The following VWA8 variants were observed in gnomAD, a reference collection of about 807,000 sequenced individuals.
VWA8 encodes the protein von Willebrand factor A domain-containing protein 8.
Under a neutral mutation model 241.5 loss-of-function variants are expected in VWA8, and 221 were observed. The ratio of observed to expected loss-of-function variants is 0.91; its 90% CI spans 0.82 to 1.02. The LOEUF is 1.02. Ranked by LOEUF, VWA8 falls within the 50% of genes least tolerant of loss-of-function variation. The probability of loss-of-function intolerance (pLI) is 0.00; values close to 1 mark genes in which losing one functional copy is unlikely to be tolerated. For synonymous variants in VWA8, 852 were observed against 827.1 expected (o/e 1.03, Z -0.52); for missense variants, 2,322 against 2,328.7 (o/e 1.00, Z 0.06).
intron 37 of VWA8, among the ~76,000 whole-genome samples, chr13:41,651,614 A>G (rs546500384): frequency 6.6e-6 from 1 of 152,250 alleles, no homozygotes; most frequent in Non-Finnish European, 1.5e-5. Flanking sequence ...CTGTGTTTCA[A>G]TAAAACTTTA....
At position 41,811,228 on chromosome 13, in the gene VWA8, G is replaced by C; in HGVS notation, c.2060C>G (p.Ser687Cys). 1.9e-6 allele frequency: 3 copies of C among 1,601,788 alleles called. No individual in the cohort carries two copies. The highest frequency in any genetic ancestry group is 2.6e-6 in the Non-Finnish European group (3 of 1,170,180). Residue 687 changes from serine to cysteine, a missense_variant, in exon 17 of 45, where the codon TCC becomes TGC. By Grantham distance (112) the Ser-to-Cys change is moderately radical. Coordinates refer to ENST00000379310, the MANE Select transcript of VWA8 (RefSeq NM_015058.2). ...LHSAVTKACL[S>C]RFLPSLARSA... ...CAGTGAGAAAGAATATGTTTACCTGGAAAGGCAGGCTTTAGTAACAGCACT... is the reference window on the plus strand; with the variant it reads ...CAGTGAGAAAGAATATGTTTACCTGCAAAGGCAGGCTTTAGTAACAGCACT...
chr13:41,786,607 T>C (rs144747449), intron 18 of VWA8, among the ~76,000 whole-genome samples: 3 of 152,230 alleles, frequency 2.0e-5, no homozygotes, highest in African/African-American at 7.2e-5. Context: ...TTATTCCTTC[T>C]CTTTGAGTTG....
chr13:41,652,516 G>T (rs1244684489), intron 37 of VWA8, among the ~76,000 whole-genome samples: 1 of 152,144 alleles, frequency 6.6e-6, no homozygotes, highest in Non-Finnish European at 1.5e-5. Context: ...CACTACAATG[G>T]AGAAGTTCTT....
intron 29 of VWA8, among the ~76,000 whole-genome samples, chr13:41,694,028 T>G (rs2045197526): frequency 6.6e-6 from 1 of 151,930 alleles, no homozygotes; most frequent in Non-Finnish European, 1.5e-5. Context: ...GAAGAATTAA[T>G]AAAAACCTTG....
At chr13:41,751,087 A>G (rs924938389) in intron 21 of VWA8, among the ~76,000 whole-genome samples, 3 of 152,120 alleles carry the variant, frequency 2.0e-5, no homozygotes, top group African/African-American at 7.2e-5. Flanking sequence ...ACAGTTTGAA[A>G]ACAGCTTAGA....
chr13:41,926,179 T>A (rs1301159217), intron 2 of VWA8: 1 of 632,896 alleles, frequency 1.6e-6, no homozygotes, highest in African/African-American at 1.8e-5. Context: ...AAGGGTGAGC[T>A]GAGCATCATT....
intron 2 of VWA8, among the ~76,000 whole-genome samples, chr13:41,948,317 C>T (rs1877959202): frequency 6.6e-6 from 1 of 151,906 alleles, no homozygotes; most frequent in Admixed American, 6.6e-5. Flanking sequence ...TCTATAGAAA[C>T]AGAAAGTATA....
intron 26 of VWA8, among the ~76,000 whole-genome samples, chr13:41,709,382 T>A (rs2045302479): frequency 6.6e-6 from 1 of 152,240 alleles, no homozygotes; most frequent in African/African-American, 2.4e-5. Context: ...TGCAACTGCT[T>A]TGCAACAGGT....
chr13:41,926,508 G>A, intron 2 of VWA8: 1 of 532,428 alleles, frequency 1.9e-6, no homozygotes, highest in Non-Finnish European at 3.8e-6. Context: ...CTAGTGGTTG[G>A]TGGCACCAAG....
intron 4 of VWA8, among the ~76,000 whole-genome samples, chr13:41,893,886 T>A (rs1874974328): frequency 6.6e-6 from 1 of 152,128 alleles, no homozygotes; most frequent in Admixed American, 6.5e-5. Flanking sequence ...TACAAACTAC[T>A]TCTTATAAAA....
intron 37 of VWA8, among the ~76,000 whole-genome samples, chr13:41,649,040 T>C (rs2044851584): frequency 6.6e-6 from 1 of 151,058 alleles, no homozygotes; most frequent in Non-Finnish European, 1.5e-5. Flanking sequence ...AAAAAGTAGC[T>C]GGGCGTGGTG....
At chr13:41,877,014 C>T (rs966508420) in intron 9 of VWA8, among the ~76,000 whole-genome samples, 7 of 152,010 alleles carry the variant, frequency 4.6e-5, no homozygotes, top group Non-Finnish European at 8.8e-5. Flanking sequence ...TTAACGGGTT[C>T]CAAGTATTTA....
At chr13:41,957,297 G>A (rs1022893090) in intron 1 of VWA8, among the ~76,000 whole-genome samples, 3 of 152,138 alleles carry the variant, frequency 2.0e-5, no homozygotes, top group Non-Finnish European at 4.4e-5. Context: ...CTGTACACAA[G>A]CTCTCTTACT....
chr13:41,911,934 A>T lies in VWA8; in HGVS notation c.372+104T>A, dbSNP rs911709344. On this transcript the variant is annotated intron_variant, in intron 3 of 44. Coordinates refer to ENST00000379310, the MANE Select transcript of VWA8 (RefSeq NM_015058.2). ...ACCCTTTGATGTCAGCATTTGTTTC[A>T]AATAATGACTAATTCTGATATTTTT... The T allele has an allele frequency of 7.2e-6, 9 of 1,253,596 alleles. No homozygotes were observed. The Admixed American group carries it at 2.6e-4, about 36-fold the overall frequency. 77.7% of individuals were successfully genotyped at this position (1,253,596 alleles called of 1,614,324 possible).
At chr13:41,626,764 C>A (rs1038385393) in intron 37 of VWA8, among the ~76,000 whole-genome samples, 4 of 152,054 alleles carry the variant, frequency 2.6e-5, no homozygotes, top group Non-Finnish European at 5.9e-5. Flanking sequence ...ATACAAAAAT[C>A]AATTCAAGAT....
At chr13:41,709,742 T>A (rs762129686) in intron 26 of VWA8, among the ~76,000 whole-genome samples, 1 of 151,882 alleles carries the variant, frequency 6.6e-6, no homozygotes, top group Non-Finnish European at 1.5e-5. Context: ...TAACTTCACA[T>A]GAGTCACTCT....
chr13:41,587,721 T>C (rs779026818), intron 41 of VWA8, 51 bp from the exon 42 acceptor site: 3 of 1,604,510 alleles, frequency 1.9e-6, no homozygotes, highest in Non-Finnish European at 1.7e-6. Context: ...AAACTTCCCC[T>C]GGTGGCTGTC....
At chr13:41,675,463 C>G (rs184528759) in intron 35 of VWA8, among the ~76,000 whole-genome samples, 167 bp from the exon 36 acceptor site, 2 of 152,230 alleles carry the variant, frequency 1.3e-5, no homozygotes, top group East Asian at 3.9e-4. Context: ...ATGCTTCCCT[C>G]AGGGAAGCAT....
At chr13:41,942,861 C>T (rs1326367372) in intron 2 of VWA8, among the ~76,000 whole-genome samples, 2 of 152,150 alleles carry the variant, frequency 1.3e-5, no homozygotes, top group Non-Finnish European at 2.9e-5. Flanking sequence ...GAGATAAATC[C>T]CTCAGAAGCA....
Sources: allele counts gnomAD v4.1 joint callset (sites outside exome capture counted in the v4.1 genomes callset), GRCh38; gene constraint gnomAD v4.1.1; transcripts MANE v1.5; gene names NCBI Gene and HGNC (gene_info 2026-07-23, HGNC 2026-07-21).